MYH2: variants seen among roughly 807,000 people sequenced by gnomAD.
The protein encoded by MYH2 is myosin-2.
Under a neutral mutation model 228.1 loss-of-function variants are expected in MYH2, and 139 were observed. That is an observed-to-expected ratio of 0.61 (90% CI 0.53 to 0.70). The LOEUF (loss-of-function observed/expected upper bound fraction) is 0.70, where lower values mean the gene tolerates loss of function less well. Ranked by LOEUF, MYH2 falls within the 30% of genes least tolerant of loss-of-function variation. MYH2 has a pLI of 0.00. For synonymous variants in MYH2, 796 were observed against 871.1 expected (o/e 0.91, Z 1.52); for missense variants, 1,809 against 2,357.5 (o/e 0.77, Z 4.82).
At position 10,521,165 on chromosome 17, in the gene MYH2, C is replaced by G; in HGVS notation, c.*115G>C. On this transcript the variant is annotated 3_prime_UTR_variant, in exon 40 of 40. Coordinates refer to ENST00000245503, the MANE Select transcript of MYH2 (RefSeq NM_017534.6). ...TCTAAGGATATTGTTTGCAAACTAC[C>G]CTATGCTTTATTTCCTTTGCAACAG... 2.3e-6 allele frequency: 3 copies of G among 1,285,014 alleles called. No individual in the cohort carries two copies. The highest frequency in any genetic ancestry group is 3.4e-6 in the Non-Finnish European group (3 of 886,802). 79.6% of individuals were successfully genotyped at this position (1,285,014 alleles called of 1,614,324 possible).
intron 29 of MYH2, 48 bp from the exon 30 acceptor site, chr17:10,526,843 A>T (rs747578441): frequency 6.2e-6 from 10 of 1,613,922 alleles, no homozygotes; most frequent in African/African-American, 1.3e-5. Flanking sequence ...TAAATATTTA[A>T]CTCTTAACTT....
chr17:10,529,711 A>T lies in MYH2; in HGVS notation c.2970T>A (p.Gly990=). Residue 990 remains glycine, a synonymous_variant, in exon 24 of 40, where the codon GGT becomes GGA. Coordinates refer to ENST00000245503, the MANE Select transcript of MYH2 (RefSeq NM_017534.6). Reference sequence around the variant, plus strand: ...TCAGCTTAGCAATGGTTTCATCCAGACCTGCCATCTCTTCTGTGAGGTTTT... The same window carrying T: ...TCAGCTTAGCAATGGTTTCATCCAGTCCTGCCATCTCTTCTGTGAGGTTTT... The part of the protein sequence containing the change: ...KVKNLTEEMA[G]LDETIAKLTK... The T allele has an allele frequency of 6.2e-7, 1 of 1,613,974 alleles. No individual in the cohort carries two copies. The highest frequency in any genetic ancestry group is 8.5e-7 in the Non-Finnish European group (1 of 1,180,030).
intron 29 of MYH2, 45 bp downstream of exon 29, chr17:10,526,893 G>A: frequency 1.9e-6 from 3 of 1,612,770 alleles, no homozygotes; most frequent in Non-Finnish European, 2.5e-6. Flanking sequence ...GCTCCATGTA[G>A]AATCAGCTCA....
Position 10,523,868 on chromosome 17 carries a change from T to C in MYH2, c.5192A>G (p.Asn1731Ser), listed in dbSNP as rs776712165. The change falls in exon 36 of 40, where the codon AAC becomes AGC. Residue 1731 changes from asparagine (N) to serine (S), a missense_variant. Asn to Ser is a conservative substitution (Grantham distance 46). This residue lies in a region of MYH2 where 278 missense variants were observed against 308.5 expected (regional missense o/e 0.90). Coordinates refer to ENST00000245503, the MANE Select transcript of MYH2 (RefSeq NM_017534.6). ...ATCTGTCTCCAGCTTCTTCTTGGTG[T>C]TGATCAGGCTGGTGTTCTGTTTAAA... is the stretch of plus-strand genomic sequence containing the variant. Reference protein sequence around the residue: ...LLHTQNTSLINTKKKLETDIS... With the variant: ...LLHTQNTSLISTKKKLETDIS... The C allele has an allele frequency of 3.7e-6, 6 of 1,613,800 alleles. No homozygotes were observed. The highest frequency in any genetic ancestry group is 4.2e-6 in the Non-Finnish European group (5 of 1,179,796).
chr17:10,525,117 T>C lies in MYH2; in HGVS notation c.4663-52A>G. 1 of 1,613,870 alleles carries C rather than the reference T, an allele frequency of 6.2e-7. No homozygotes were observed. Among genetic ancestry groups the C allele is most frequent in the Non-Finnish European group, 8.5e-7 (1 of 1,179,932 alleles). Reference sequence around the variant, plus strand: ...GCAAGGAACCAAAAGCTTTATGAAGTTTTTCTGCACAGCAATAATTTTGTG... The same window carrying C: ...GCAAGGAACCAAAAGCTTTATGAAGCTTTTCTGCACAGCAATAATTTTGTG... On this transcript the variant is annotated intron_variant, in intron 33 of 39. Coordinates refer to ENST00000245503, the MANE Select transcript of MYH2 (RefSeq NM_017534.6). The surrounding 1 kb of genome is among the most constrained non-coding windows in gnomAD (Gnocchi z 4.2).
At chr17:10,532,226 A>C (rs1597452245) in intron 21 of MYH2, among the ~76,000 whole-genome samples, 1 of 152,164 alleles carries the variant, frequency 6.6e-6, no homozygotes, top group African/African-American at 2.4e-5. Flanking sequence ...AGAAATGCTG[A>C]TGTTGCAAGT....
chr17:10,526,366 A>C (rs562797853), intron 30 of MYH2, among the ~76,000 whole-genome samples: 1 of 152,272 alleles, frequency 6.6e-6, no homozygotes, highest in African/African-American at 2.4e-5. Context: ...TGAGGCCCCT[A>C]ATTATCAGTG....
At chr17:10,533,143 T>G in intron 21 of MYH2, 142 bp downstream of exon 21, 1 of 1,258,318 alleles carries the variant, frequency 7.9e-7, no homozygotes, top group Middle Eastern at 2.7e-4. Context: ...TTAAGTTTTC[T>G]GGTACATGTG....
chr17:10,535,419 AGTCATTG>A, intron 17 of MYH2, 54 bp from the exon 18 acceptor site: 1 of 1,431,704 alleles, frequency 7.0e-7, no homozygotes, highest in African/African-American at 1.4e-5. Context: ...GGATATGAGC[AGTCATTG>A]GTGTCTATAA....
In MYH2 at chr17:10,523,188, G is replaced by A; in HGVS notation, c.5578-3C>T. The A allele has an allele frequency of 6.2e-7, 1 of 1,612,758 alleles. No homozygotes were observed. ...ATATTCTTTCTATCTTCTTCCGTCT[G>A]AAAGATTATAAAAAGTCCAGGACCT... On this transcript the variant is annotated splice_region_variant and splice_polypyrimidine_tract_variant and intron_variant, in intron 38 of 39. Coordinates refer to ENST00000245503, the MANE Select transcript of MYH2 (RefSeq NM_017534.6).
In MYH2 at chr17:10,524,996, C is replaced by A. The variant is rs1490463043; in HGVS notation, c.4732G>T (p.Val1578Phe). ...QLELNQVKSE[V>F]DRKIAEKDEE... Reference sequence around the variant, plus strand: ...TCTTTTTCAGCAATTTTCCTATCAACCTCAGACTTGACTTGGTTCAACTCA... The same window carrying A: ...TCTTTTTCAGCAATTTTCCTATCAAACTCAGACTTGACTTGGTTCAACTCA... Residue 1578 changes from valine to phenylalanine, a missense_variant, in exon 34 of 40, where the codon GTT becomes TTT. Physicochemically the swap from Val to Phe is conservative, Grantham distance 50. Coordinates refer to ENST00000245503, the MANE Select transcript of MYH2 (RefSeq NM_017534.6). This position sits in a 1 kb window ranked among gnomAD's most constrained non-coding sequence, Gnocchi z 4.7. 6.2e-7 allele frequency: 1 copy of A among 1,614,144 alleles called. No homozygotes were observed. Among genetic ancestry groups the A allele is most frequent in the Admixed American group, 1.7e-5 (1 of 60,018 alleles).
intron 17 of MYH2, 77 bp from the exon 18 acceptor site, chr17:10,535,442 A>G (rs926311027): frequency 2.4e-6 from 3 of 1,241,924 alleles, no homozygotes; most frequent in Non-Finnish European, 3.5e-6. Context: ...TATAAAATCA[A>G]TATCTATAGC....
In MYH2 at chr17:10,539,349, G is replaced by A. The variant is rs1337202535; in HGVS notation, c.1272C>T (p.Ser424=). ...VTKGQTVEQV[S]NAVGALAKAV... ...CTTTGGCCAGAGCACCTACTGCGTT[G>A]GACACCTTAAAAGACAAAATTATAA... is the stretch of plus-strand genomic sequence containing the variant. The change falls in exon 14 of 40, where the codon TCC becomes TCT. Residue 424 remains serine, a synonymous_variant. Transcript: ENST00000245503. 1 of 1,614,100 alleles carries A rather than the reference G, an allele frequency of 6.2e-7. No individual in the cohort carries two copies. Among genetic ancestry groups the A allele is most frequent in the South Asian group, 1.1e-5 (1 of 91,078 alleles).
intron 10 of MYH2, 31 bp downstream of exon 10, chr17:10,542,844 A>C (rs748538106): frequency 2.2e-5 from 32 of 1,472,706 alleles, no homozygotes; most frequent in Non-Finnish European, 2.9e-5. Context: ...CTGATGCAGT[A>C]ATTCTGGAAA....
chr17:10,529,237 G>A lies in MYH2; in HGVS notation c.3279C>T (p.Ile1093=). The A allele has an allele frequency of 1.2e-6, 2 of 1,614,162 alleles. No individual in the cohort carries two copies. Among genetic ancestry groups the A allele is most frequent in the Middle Eastern group, 3.3e-4 (2 of 6,062 alleles). The change falls in exon 26 of 40, where the codon ATC becomes ATT. Residue 1093 remains isoleucine, a synonymous_variant. Coordinates refer to ENST00000245503, the MANE Select transcript of MYH2 (RefSeq NM_017534.6). ...DEKLKKKEFE[I]SNLQSKIEDE... ...CTTCAATCTTGCTTTGCAGATTGCT[G>A]ATTTCAAACTCTTTCCTTTTAGAAA...
In MYH2 at chr17:10,528,947, T is replaced by C. The variant is rs755101080; in HGVS notation, c.3487A>G (p.Thr1163Ala). 3.2e-5 allele frequency: 51 copies of C among 1,614,156 alleles called. No homozygotes were observed. The highest frequency in any genetic ancestry group is 4.3e-5 in the Non-Finnish European group (51 of 1,180,048). Residue 1163 changes from threonine to alanine, a missense_variant, in exon 27 of 40, where the codon ACT (threonine) becomes GCT (alanine). This residue lies in a region of MYH2 where 636 missense variants were observed against 729.9 expected (regional missense o/e 0.87). Coordinates refer to ENST00000245503, the MANE Select transcript of MYH2 (RefSeq NM_017534.6). ...TTGTTCATCTCAATCTGGGCTGAAG[T>C]GGCCCCACCGGCTTCTTCCAGCCTC... ...SERLEEAGGA[T>A]SAQIEMNKKR...
At chr17:10,536,142 A>G (rs1409913877) in intron 17 of MYH2, among the ~76,000 whole-genome samples, 3 of 152,220 alleles carry the variant, frequency 2.0e-5, no homozygotes, top group Non-Finnish European at 4.4e-5. Context: ...ACTAGTTACT[A>G]TCAGTCCTTT....
chr17:10,532,303 C>T (rs1475688028), intron 21 of MYH2, among the ~76,000 whole-genome samples: 1 of 152,134 alleles, frequency 6.6e-6, no homozygotes, highest in African/African-American at 2.4e-5. Flanking sequence ...ACTAAAACAC[C>T]ACTAAGGGCA....
At chr17:10,545,279 C>T in intron 5 of MYH2, 67 bp downstream of exon 5, 3 of 1,611,256 alleles carry the variant, frequency 1.9e-6, no homozygotes, top group Non-Finnish European at 2.5e-6. Flanking sequence ...GAGATTGCCT[C>T]GAGTCTCTTT....
Sources: allele counts gnomAD v4.1 joint callset (sites outside exome capture counted in the v4.1 genomes callset), GRCh38; gene constraint gnomAD v4.1.1; regional missense constraint gnomAD v4.1.1; non-coding constraint Gnocchi (gnomAD v3.1); transcripts MANE v1.5; gene names NCBI Gene and HGNC (gene_info 2026-07-23, HGNC 2026-07-21).